The following SERGEF variants were observed in gnomAD, a reference collection of about 807,000 sequenced individuals.
SERGEF encodes the protein secretion regulating guanine nucleotide exchange factor.
In SERGEF, 51 loss-of-function variants were observed where a neutral mutation model predicts 50.0. The ratio of observed to expected loss-of-function variants is 1.02; its 90% CI spans 0.81 to 1.29. The LOEUF (loss-of-function observed/expected upper bound fraction) is 1.29. Ranked by LOEUF, SERGEF falls within the 50% of genes most tolerant of loss-of-function variation. The probability of loss-of-function intolerance (pLI) is 0.00; values close to 1 mark genes in which losing one functional copy is unlikely to be tolerated. For missense variants in SERGEF, 521 were observed against 557.0 expected (o/e 0.94, Z 0.65); for synonymous variants, 205 against 212.4 (o/e 0.97, Z 0.30).
At chr11:17,797,321 TGCTAAC>T (rs1416790931) in intron 10 of SERGEF, among the ~76,000 whole-genome samples, 2 of 152,242 alleles carry the variant, frequency 1.3e-5, no homozygotes, top group Non-Finnish European at 2.9e-5. Flanking sequence ...TGATCCACTC[TGCTAAC>T]ATCACCATAG....
intron 10 of SERGEF, among the ~76,000 whole-genome samples, chr11:17,830,310 T>C (rs987701090): frequency 6.6e-6 from 1 of 152,238 alleles, no homozygotes; most frequent in Non-Finnish European, 1.5e-5. Flanking sequence ...TAATGACCTT[T>C]CTTCAGGGTT....
intron 9 of SERGEF, among the ~76,000 whole-genome samples, chr11:17,923,820 G>A (rs781657241): frequency 6.6e-6 from 1 of 152,196 alleles, no homozygotes; most frequent in African/African-American, 2.4e-5. Context: ...CCTCATCATT[G>A]CACTCAGCAT....
At chr11:17,799,685 C>A (rs1478558264) in intron 10 of SERGEF, among the ~76,000 whole-genome samples, 2 of 152,216 alleles carry the variant, frequency 1.3e-5, no homozygotes, top group Non-Finnish European at 2.9e-5. Flanking sequence ...AATCCAGTGG[C>A]AGGTCCAGAA....
At chr11:17,794,964 C>T (rs1849549871) in intron 10 of SERGEF, among the ~76,000 whole-genome samples, 1 of 152,188 alleles carries the variant, frequency 6.6e-6, no homozygotes, top group Non-Finnish European at 1.5e-5. Flanking sequence ...GGGGCTGAGG[C>T]CCTGCCCCCT....
At chr11:17,967,544 A>C (rs1853151081) in intron 8 of SERGEF, among the ~76,000 whole-genome samples, 1 of 152,244 alleles carries the variant, frequency 6.6e-6, no homozygotes, top group Admixed American at 6.5e-5. Flanking sequence ...AATCGGGGGC[A>C]GCAGTGATAG....
chr11:17,941,883 G>C (rs1312851740), intron 9 of SERGEF, among the ~76,000 whole-genome samples: 1 of 152,010 alleles, frequency 6.6e-6, no homozygotes. Context: ...TAATGATTAG[G>C]GATGTTGAGC....
intron 10 of SERGEF, among the ~76,000 whole-genome samples, chr11:17,870,657 T>C (rs1851121629): frequency 6.6e-6 from 1 of 152,166 alleles, no homozygotes; most frequent in East Asian, 1.9e-4. Context: ...TGAACAAAAC[T>C]AATACGGGTG....
chr11:17,915,662 C>T (rs866845363), intron 9 of SERGEF, among the ~76,000 whole-genome samples: 1 of 152,184 alleles, frequency 6.6e-6, no homozygotes, highest in African/African-American at 2.4e-5. Flanking sequence ...ATGACTCAAG[C>T]GTGGTACATT....
intron 8 of SERGEF, among the ~76,000 whole-genome samples, chr11:17,983,980 G>A (rs1320049815): frequency 6.6e-6 from 1 of 152,184 alleles, no homozygotes; most frequent in Admixed American, 6.5e-5. Flanking sequence ...AGATTGGATA[G>A]GGATCAAGAA....
intron 10 of SERGEF, among the ~76,000 whole-genome samples, chr11:17,817,743 T>C (rs1162144627): frequency 1.3e-5 from 2 of 152,214 alleles, no homozygotes; most frequent in African/African-American, 4.8e-5. Flanking sequence ...CTGGTTTGGT[T>C]GAGGAAACTG....
chr11:17,886,388 T>C (rs1328626586), intron 9 of SERGEF, among the ~76,000 whole-genome samples: 4 of 152,092 alleles, frequency 2.6e-5, no homozygotes, highest in Admixed American at 2.0e-4. Flanking sequence ...GGCAAGCAGA[T>C]AGCTTGAGCT....
At chr11:17,910,922 C>T (rs1258922045) in intron 9 of SERGEF, among the ~76,000 whole-genome samples, 1 of 152,130 alleles carries the variant, frequency 6.6e-6, no homozygotes, top group Non-Finnish European at 1.5e-5. Context: ...TAGACAAGAC[C>T]TCACAGATCA....
At position 17,821,939 on chromosome 11, in the gene SERGEF, T is replaced by G. The variant is rs150696189; in HGVS notation, c.1049-33526A>C. 3.9e-5 allele frequency among the ~76,000 whole-genome samples: 6 copies of G among 152,224 alleles called. No individual in the cohort carries two copies. In the East Asian group the frequency reaches 1.2e-3, roughly 29 times the overall value. On this transcript the variant is annotated intron_variant, in intron 10 of 10. Transcript: ENST00000265965. ...ACATATTTCAGCACTGAAAGGGCAATTCTCCCCAAAAAAGGGGTAAATCTT... is the reference window on the plus strand; with the variant it reads ...ACATATTTCAGCACTGAAAGGGCAAGTCTCCCCAAAAAAGGGGTAAATCTT...
intron 9 of SERGEF, among the ~76,000 whole-genome samples, chr11:17,890,487 T>G (rs1379608998): frequency 1.3e-5 from 2 of 152,176 alleles, no homozygotes; most frequent in African/African-American, 4.8e-5. Flanking sequence ...CATGTTTTTC[T>G]CACGTTTTCT....
chr11:17,793,051 A>C (rs563339713), intron 10 of SERGEF, among the ~76,000 whole-genome samples: 2 of 152,250 alleles, frequency 1.3e-5, no homozygotes, highest in East Asian at 3.9e-4. Context: ...CTTACCACAC[A>C]ACTGTGTGAT....
At chr11:17,948,764 T>G (rs1345262366) in intron 9 of SERGEF, among the ~76,000 whole-genome samples, 1 of 152,172 alleles carries the variant, frequency 6.6e-6, no homozygotes, top group African/African-American at 2.4e-5. Flanking sequence ...CTACTTTGCT[T>G]TCCACTTATA....
intron 9 of SERGEF, among the ~76,000 whole-genome samples, chr11:17,932,134 C>T (rs1158446625): frequency 2.0e-5 from 3 of 152,092 alleles, no homozygotes; most frequent in South Asian, 2.1e-4. Context: ...CAAACCTGCA[C>T]GTTGTGCACA....
At chr11:17,800,858 G>A (rs762139707) in intron 10 of SERGEF, among the ~76,000 whole-genome samples, 6 of 152,104 alleles carry the variant, frequency 3.9e-5, no homozygotes, top group African/African-American at 7.2e-5. Context: ...GGGTGACCAC[G>A]TGTGTCTGGG....
chr11:17,829,890 T>C (rs1850263881), intron 10 of SERGEF, among the ~76,000 whole-genome samples: 1 of 152,142 alleles, frequency 6.6e-6, no homozygotes, highest in Non-Finnish European at 1.5e-5. Flanking sequence ...AAAAAACACA[T>C]AAACATTGAG....
Sources: allele counts gnomAD v4.1 joint callset (sites outside exome capture counted in the v4.1 genomes callset), GRCh38; gene constraint gnomAD v4.1.1; transcripts MANE v1.5; gene names NCBI Gene and HGNC (gene_info 2026-07-23, HGNC 2026-07-21).